PAK1: variants seen among roughly 807,000 people sequenced by gnomAD.
PAK1 encodes serine/threonine-protein kinase PAK 1.
In PAK1, 29 loss-of-function variants were observed where a neutral mutation model predicts 67.4. The ratio of observed to expected loss-of-function variants is 0.43; its 90% CI spans 0.32 to 0.59. The LOEUF is 0.59. Ranked by LOEUF, PAK1 falls within the 20% of genes least tolerant of loss-of-function variation. The probability of loss-of-function intolerance (pLI) is 0.07; values close to 1 mark genes in which losing one functional copy is unlikely to be tolerated. For synonymous variants in PAK1, 223 were observed against 237.4 expected, an observed-to-expected ratio of 0.94 and a Z score of 0.56; for missense variants, 337 against 670.7, an observed-to-expected ratio of 0.50 and a Z score of 5.50.
chr11:77,489,247 CCAGA>C, the PAK1 span, among the ~76,000 whole-genome samples: 2 of 152,086 alleles, frequency 1.3e-5, no homozygotes, highest in Admixed American at 6.5e-5. Flanking sequence ...TTCAAAATAG[CCAGA>C]CAAACAAAAG....
At chr11:77,430,763 T>C (rs532375935) in intron 1 of PAK1, among the ~76,000 whole-genome samples, 14 of 152,280 alleles carry the variant, frequency 9.2e-5, no homozygotes, top group Non-Finnish European at 1.9e-4. Flanking sequence ...TGTAAAGCGT[T>C]AGGAAAAGAA....
At chr11:77,508,771 C>T in the PAK1 span, among the ~76,000 whole-genome samples, 731 of 151,044 alleles carry the variant, frequency 4.8e-3, 4 homozygotes, top group African/African-American at 0.017. Flanking sequence ...GCCATTTTCC[C>T]GCCTCAGCCT....
At chr11:77,480,449 T>C in the PAK1 span, among the ~76,000 whole-genome samples, 9 of 152,016 alleles carry the variant, frequency 5.9e-5, no homozygotes, top group African/African-American at 1.7e-4. Context: ...GTGTTTAATA[T>C]ACACTTTCTC....
At chr11:77,360,143 C>T (rs1250028403) in intron 5 of PAK1, among the ~76,000 whole-genome samples, 1 of 152,080 alleles carries the variant, frequency 6.6e-6, no homozygotes, top group African/African-American at 2.4e-5. Context: ...AATGGAAGAA[C>T]TAAGGAATAA....
chr11:77,413,458 C>T (rs943432191), intron 1 of PAK1, among the ~76,000 whole-genome samples: 1 of 152,080 alleles, frequency 6.6e-6, no homozygotes, highest in African/African-American at 2.4e-5. Context: ...CAAGACCACA[C>T]ATCTGGTAAA....
At chr11:77,416,758 C>A (rs1954979583) in intron 1 of PAK1, among the ~76,000 whole-genome samples, 1 of 152,120 alleles carries the variant, frequency 6.6e-6, no homozygotes, top group Non-Finnish European at 1.5e-5. Flanking sequence ...TCAAGACCAT[C>A]CTGGCTAACA....
At chr11:77,331,948 C>T (rs1417344471) in intron 14 of PAK1, among the ~76,000 whole-genome samples, 1 of 151,986 alleles carries the variant, frequency 6.6e-6, no homozygotes, top group Admixed American at 6.6e-5. Context: ...ACCCGTTTCT[C>T]AACAAGACTC....
intron 1 of PAK1, among the ~76,000 whole-genome samples, chr11:77,458,082 G>T (rs1191511973): frequency 6.6e-6 from 1 of 152,192 alleles, no homozygotes; most frequent in African/African-American, 2.4e-5. Context: ...ACATAGAGGG[G>T]ATTCTTGTTA....
intron 14 of PAK1, among the ~76,000 whole-genome samples, chr11:77,328,260 G>C (rs2136027723): frequency 6.6e-6 from 1 of 152,254 alleles, no homozygotes; most frequent in East Asian, 1.9e-4. Context: ...CCCAGGAATT[G>C]AACTCAGCTC....
chr11:77,493,295 CAG>C, the PAK1 span, among the ~76,000 whole-genome samples: 7 of 119,138 alleles, frequency 5.9e-5, no homozygotes, highest in South Asian at 2.7e-4. Flanking sequence ...TTTTTTGAGA[CAG>C]GGTCTCTCTG....
chr11:77,463,581 C>T (rs1386987629), intron 1 of PAK1, among the ~76,000 whole-genome samples: 1 of 152,154 alleles, frequency 6.6e-6, no homozygotes, highest in African/African-American at 2.4e-5. Context: ...TTTGTTTTAG[C>T]TAACAATGAA....
intron 1 of PAK1, among the ~76,000 whole-genome samples, chr11:77,431,783 C>T (rs1268808481): frequency 6.6e-6 from 1 of 152,120 alleles, no homozygotes; most frequent in Non-Finnish European, 1.5e-5. Context: ...GTCTTAAATA[C>T]CAAGTCTAAC....
At chr11:77,350,017 A>G (rs991079618) in intron 8 of PAK1, among the ~76,000 whole-genome samples, 1 of 152,202 alleles carries the variant, frequency 6.6e-6, no homozygotes, top group African/African-American at 2.4e-5. Context: ...ATCTTTAGTG[A>G]AAATTTACTT....
At chr11:77,445,078 G>T (rs1956537113) in intron 1 of PAK1, among the ~76,000 whole-genome samples, 2 of 152,174 alleles carry the variant, frequency 1.3e-5, no homozygotes, top group Admixed American at 1.3e-4. Flanking sequence ...AGGTCATTAG[G>T]GTGGACCCTA....
chr11:77,426,079 T>C (rs61901813), intron 1 of PAK1, among the ~76,000 whole-genome samples: 1 of 50,886 alleles, frequency 2.0e-5, no homozygotes, highest in Non-Finnish European at 3.7e-5. Flanking sequence ...TGAAGGCCTC[T>C]TTTTTTTTTT....
intron 1 of PAK1, among the ~76,000 whole-genome samples, chr11:77,425,161 A>G (rs1479859209): frequency 6.6e-6 from 1 of 152,186 alleles, no homozygotes; most frequent in Non-Finnish European, 1.5e-5. Context: ...TTATAAACTC[A>G]AAAGTGGCTG....
intron 1 of PAK1, among the ~76,000 whole-genome samples, chr11:77,433,943 T>C (rs1955985182): frequency 6.6e-6 from 1 of 152,174 alleles, no homozygotes; most frequent in South Asian, 2.1e-4. Context: ...ATGAGACAGA[T>C]ACCATTTCAC....
rs1472928138 is a variant in PAK1 at position 77,437,119 on chromosome 11, C to T, written c.-22+36433G>A. Among the ~76,000 whole-genome samples the T allele has an allele frequency of 2.0e-5, 3 of 152,270 alleles. No individual in the cohort carries two copies. In the East Asian group the frequency reaches 5.8e-4, roughly 29 times the overall value. On this transcript the variant is annotated intron_variant, in intron 1 of 14. Coordinates refer to ENST00000356341, the MANE Select transcript of PAK1 (RefSeq NM_002576.5). ...TTAAGATAAAGAGGTAAATCATTTA[C>T]TCTAGTGTGCCCTCAACATTCAGTA... is the stretch of plus-strand genomic sequence containing the variant.
intron 1 of PAK1, among the ~76,000 whole-genome samples, chr11:77,464,692 A>G (rs936708902): frequency 6.6e-6 from 1 of 152,244 alleles, no homozygotes; most frequent in African/African-American, 2.4e-5. Context: ...AATGCATTTA[A>G]TACACCTAAC....
Sources: gnomAD v4.1 joint callset for allele counts (sites outside exome capture counted in the v4.1 genomes callset) on GRCh38, gnomAD v4.1.1 for gene constraint, MANE v1.5 for transcripts, NCBI Gene and HGNC (gene_info 2026-07-23, HGNC 2026-07-21) for gene names.